VRK2: variants seen among roughly 807,000 people sequenced by gnomAD.
The protein encoded by VRK2 is serine/threonine-protein kinase VRK2.
VRK2 carries 60 observed loss-of-function variants against 57.6 expected under a neutral mutation model. The ratio of observed to expected loss-of-function variants is 1.04; its 90% CI spans 0.85 to 1.29. VRK2 has a LOEUF of 1.29. VRK2 is among the 50% of genes most tolerant of loss of function. The probability of loss-of-function intolerance (pLI) is 0.00; values close to 1 mark genes in which losing one functional copy is unlikely to be tolerated. For synonymous variants in VRK2, 231 were observed against 199.2 expected (o/e 1.16, Z -1.35); for missense variants, 705 against 588.1 (o/e 1.20, Z -2.06).
At chr2:58,000,647 T>C (rs999104069) in intron 1 of VRK2, among the ~76,000 whole-genome samples, 6 of 152,256 alleles carry the variant, frequency 3.9e-5, no homozygotes, top group Non-Finnish European at 7.3e-5. Context: ...TCCTGGTCAC[T>C]GCTTTTTCTA....
intron 1 of VRK2, among the ~76,000 whole-genome samples, chr2:57,986,970 A>T (rs537346491): frequency 1.8e-4 from 27 of 152,286 alleles, no homozygotes; most frequent in Admixed American, 8.5e-4. Context: ...AATATTTTTT[A>T]AAAATTGTGT....
chr2:58,023,978 A>ATTT (rs564635070), intron 1 of VRK2, among the ~76,000 whole-genome samples: 2 of 140,848 alleles, frequency 1.4e-5, no homozygotes, highest in Non-Finnish European at 1.5e-5. Flanking sequence ...GTTGGTAAGA[A>ATTT]TTTTTTTTTT....
chr2:58,021,671 C>A (rs1673760594), intron 1 of VRK2, among the ~76,000 whole-genome samples: 1 of 152,090 alleles, frequency 6.6e-6, no homozygotes, highest in Non-Finnish European at 1.5e-5. Context: ...TTCCCCACCC[C>A]ACCCCCAAAT....
chr2:58,021,307 C>G (rs374658548), intron 1 of VRK2, among the ~76,000 whole-genome samples: 1 of 152,114 alleles, frequency 6.6e-6, no homozygotes, highest in South Asian at 2.1e-4. Context: ...CAGGGACCCA[C>G]TGAGTGTGTA....
rs189654598 is a variant in VRK2, at chr2:58,028,724, C to G, written c.-333+2954C>G. 2.9e-3 allele frequency among the ~76,000 whole-genome samples: 429 copies of G among 148,042 alleles called. 2 individuals carry two copies. Among genetic ancestry groups the G allele is most frequent in the African/African-American group, 0.01 (407 of 40,078 alleles). On this transcript the variant is annotated intron_variant, in intron 2 of 15. Coordinates refer to the VRK2 transcript ENST00000417641. ...ACACAGGAAGGGGTACATCACACAC[C>G]GGGGCCTGTTGTGGGGTTGGGGGAG...
At chr2:58,070,335 C>T (rs963441427) in intron 2 of VRK2, among the ~76,000 whole-genome samples, 22 of 152,054 alleles carry the variant, frequency 1.4e-4, no homozygotes, top group Non-Finnish European at 8.8e-5. Flanking sequence ...CAGACGTGCA[C>T]CACTGTGCCC....
At chr2:58,081,407 C>T (rs2104109316) in intron 2 of VRK2, among the ~76,000 whole-genome samples, 1 of 151,990 alleles carries the variant, frequency 6.6e-6, no homozygotes, top group East Asian at 1.9e-4. Context: ...TTGATTTATT[C>T]TGGTATTTTA....
At chr2:57,988,420 G>C (rs1380487167) in intron 1 of VRK2, among the ~76,000 whole-genome samples, 2 of 152,188 alleles carry the variant, frequency 1.3e-5, no homozygotes, top group Non-Finnish European at 2.9e-5. Context: ...ACTGAGCTAA[G>C]ATGCCTAGAT....
intron 1 of VRK2, among the ~76,000 whole-genome samples, chr2:57,921,198 C>T (rs1362534420): frequency 6.6e-6 from 1 of 151,880 alleles, no homozygotes; most frequent in Admixed American, 6.6e-5. Context: ...CTTGCGAGGC[C>T]CCTTCTCAGT....
chr2:58,033,478 G>T (rs767242299), exon 3 of VRK2: 1 of 151,934 alleles, frequency 6.6e-6, no homozygotes, highest in African/African-American at 2.4e-5. Context: ...TCAAAGAAAT[G>T]AATTCTCCCC....
chr2:57,908,268 T>C (rs1669886609), intron 1 of VRK2, among the ~76,000 whole-genome samples: 1 of 152,216 alleles, frequency 6.6e-6, no homozygotes, highest in South Asian at 2.1e-4. Context: ...TTAAAGATGT[T>C]GCTTTGCCTC....
chr2:58,108,928 C>G (rs148574150), intron 7 of VRK2, among the ~76,000 whole-genome samples: 1 of 152,238 alleles, frequency 6.6e-6, no homozygotes, highest in East Asian at 1.9e-4. Flanking sequence ...ATCCTTTTTT[C>G]TCATTCTCAA....
chr2:58,141,458 A>T (rs1681323192), intron 11 of VRK2, among the ~76,000 whole-genome samples: 1 of 151,984 alleles, frequency 6.6e-6, no homozygotes, highest in African/African-American at 2.4e-5. Flanking sequence ...CTCCATCAAG[A>T]ATATTTTATC....
At chr2:58,111,479 G>A (rs532570373) in intron 7 of VRK2, among the ~76,000 whole-genome samples, 9 of 152,256 alleles carry the variant, frequency 5.9e-5, no homozygotes, top group African/African-American at 9.6e-5. Flanking sequence ...GAGTCTGGGC[G>A]TGGCAGCTCA....
At chr2:58,008,958 A>G (rs1386232345) in intron 1 of VRK2, among the ~76,000 whole-genome samples, 2 of 152,082 alleles carry the variant, frequency 1.3e-5, no homozygotes, top group South Asian at 2.1e-4. Flanking sequence ...TCCCACAGAG[A>G]AGGAGGAATG....
rs1490425366 is a variant in VRK2 at position 58,136,763 on chromosome 2, ATATATATATCATATATATGTG to A, written c.856+1602_856+1622del. 3.7e-3 allele frequency among the ~76,000 whole-genome samples: 539 copies of A among 145,630 alleles called. 3 individuals are homozygous for A. Among genetic ancestry groups the A allele is most frequent in the African/African-American group, 4.9e-3 (191 of 39,062 alleles). On this transcript the variant is annotated intron_variant, in intron 10 of 12. Transcript: ENST00000340157. ...AAAGATGGGAAGATGTCATTAACAT[ATATATATATCATATATATGTG>A]TATATATATCATATATATGTGTATA... is the stretch of plus-strand genomic sequence containing the variant.
chr2:58,045,327 C>A (rs1049022176), upstream of VRK2, among the ~76,000 whole-genome samples: 6 of 152,026 alleles, frequency 3.9e-5, no homozygotes, highest in African/African-American at 1.2e-4. Flanking sequence ...TGGATACATG[C>A]CTGTAGGGAG....
chr2:57,923,687 T>C (rs982436615), intron 1 of VRK2, among the ~76,000 whole-genome samples: 7 of 152,040 alleles, frequency 4.6e-5, no homozygotes, highest in African/African-American at 1.2e-4. Flanking sequence ...GGTTGTCTCT[T>C]CACCTTTTTT....
chr2:58,063,249 T>G (rs1677628766), intron 2 of VRK2, among the ~76,000 whole-genome samples: 2 of 151,686 alleles, frequency 1.3e-5, no homozygotes, highest in Admixed American at 1.3e-4. Context: ...TTGTTTTTTT[T>G]TTTTTTTTAA....
Sources: allele counts gnomAD v4.1 joint callset (sites outside exome capture counted in the v4.1 genomes callset), GRCh38; gene constraint gnomAD v4.1.1; transcripts MANE v1.5; gene names NCBI Gene and HGNC (gene_info 2026-07-23, HGNC 2026-07-21).